Variants in ARHGEF37 observed in about 807,000 individuals in gnomAD.
The protein encoded by ARHGEF37 is Rho guanine nucleotide exchange factor 37, also known as Rho guanine nucleotide exchange factor (GEF) 37.
Under a neutral mutation model 71.1 loss-of-function variants are expected in ARHGEF37, and 55 were observed. That is an observed-to-expected ratio of 0.77 (90% confidence interval 0.62 to 0.97). The LOEUF (loss-of-function observed/expected upper bound fraction) is 0.97. Among genes scored for constraint, ARHGEF37 ranks in the 50% least tolerant of loss-of-function variants. The pLI is 0.00. For missense variants in ARHGEF37, 765 were observed against 836.8 expected, an observed-to-expected ratio of 0.91 and a Z score of 1.06; for synonymous variants, 327 against 350.6, an observed-to-expected ratio of 0.93 and a Z score of 0.75.
chr5:149,629,609 G>A (rs760341038), intron 12 of ARHGEF37, among the ~76,000 whole-genome samples: 7 of 152,200 alleles, frequency 4.6e-5, no homozygotes, highest in East Asian at 1.9e-4. Flanking sequence ...CAGTGTGGCC[G>A]GAGAAGAAAG....
At chr5:149,617,774 G>A (rs1444062304) in intron 5 of ARHGEF37, among the ~76,000 whole-genome samples, 2 of 152,164 alleles carry the variant, frequency 1.3e-5, no homozygotes, top group Non-Finnish European at 2.9e-5. Flanking sequence ...ACTGAGTCAG[G>A]ACCGGGAAGC....
rs1168043795 is a variant in ARHGEF37 at position 149,562,802 on chromosome 5, G to A, written c.-12+10679G>A. On this transcript the variant is annotated intron_variant, in intron 1 of 2. Coordinates refer to the ARHGEF37 transcript ENST00000505810. ...ACATTCCACACCACTGTTCTATGAT[G>A]TATGTCTGTTTACTTTTACAGGGAA... is the stretch of plus-strand genomic sequence containing the variant. 2.0e-5 allele frequency among the ~76,000 whole-genome samples: 3 copies of A among 152,196 alleles called. No individual in the cohort carries two copies. In the East Asian group the frequency reaches 5.8e-4, roughly 29 times the overall value.
At chr5:149,599,333 C>T (rs1229668672) in intron 2 of ARHGEF37, among the ~76,000 whole-genome samples, 1 of 152,030 alleles carries the variant, frequency 6.6e-6, no homozygotes, top group Non-Finnish European at 1.5e-5. Context: ...TGGGCTCTGT[C>T]CCCTCCTCAG....
intron 2 of ARHGEF37, among the ~76,000 whole-genome samples, chr5:149,600,673 C>G (rs1763726601): frequency 6.6e-6 from 1 of 150,880 alleles, no homozygotes; most frequent in African/African-American, 2.4e-5. Context: ...TGGAGTCTCG[C>G]TCTGTCGCCC....
At chr5:149,618,082 G>C in intron 5 of ARHGEF37, 94 bp from the exon 6 acceptor site, 1 of 1,532,968 alleles carries the variant, frequency 6.5e-7, no homozygotes, top group Non-Finnish European at 8.9e-7. Flanking sequence ...ATGGAGCAGA[G>C]GGCCCAAGCA....
At chr5:149,593,599 T>C (rs1470293962) in intron 1 of ARHGEF37, among the ~76,000 whole-genome samples, 5 of 152,206 alleles carry the variant, frequency 3.3e-5, no homozygotes, top group Non-Finnish European at 7.3e-5. Context: ...CTACTGATGG[T>C]CCACTGTTCA....
In ARHGEF37 at chr5:149,557,928, C is replaced by T. The variant is rs570312866; in HGVS notation, c.-12+5805C>T. On this transcript the variant is annotated intron_variant, in intron 1 of 2. Coordinates refer to the ARHGEF37 transcript ENST00000505810. ...TCGCCCAGGCTGGAGTGCAATGGCACGATCTTGGCCCACTGCAACCTCTGT... is the reference window on the plus strand; with the variant it reads ...TCGCCCAGGCTGGAGTGCAATGGCATGATCTTGGCCCACTGCAACCTCTGT... Among the ~76,000 whole-genome samples, 1,163 of 149,804 alleles carry T rather than the reference C, an allele frequency of 7.8e-3. 9 individuals carry two copies. The highest frequency in any genetic ancestry group is 9.2e-3 in the Non-Finnish European group (624 of 67,748).
At position 149,575,204 on chromosome 5, in the gene ARHGEF37, AT is replaced by A. The variant is rs1190239249; in HGVS notation, c.-11-22553del. Among the ~76,000 whole-genome samples the A allele has an allele frequency of 2.0e-5, 3 of 152,298 alleles. No individual in the cohort carries two copies. The East Asian group carries it at 5.8e-4, about 29-fold the overall frequency. On this transcript the variant is annotated intron_variant, in intron 1 of 2. Coordinates refer to the ARHGEF37 transcript ENST00000505810. ...TTCTGAAAACACAAGCTAGTTTCAT[AT>A]TGTTATGCCTTGTCTGTACTTTCTG...
At chr5:149,582,443 C>G (rs1401712329) in intron 1 of ARHGEF37, among the ~76,000 whole-genome samples, 5 of 152,160 alleles carry the variant, frequency 3.3e-5, no homozygotes, top group Admixed American at 6.5e-5. Context: ...ATCCAGGAAG[C>G]ATAGTTTAAC....
At chr5:149,598,785 GATATAGATATATAGAT>G (rs1175930633) in intron 2 of ARHGEF37, among the ~76,000 whole-genome samples, 3 of 143,158 alleles carry the variant, frequency 2.1e-5, no homozygotes, top group Admixed American at 7.0e-5. Flanking sequence ...TAGATATATA[GATATAGATATATAGAT>G]ATATATATGT....
At chr5:149,585,196 G>A in intron 1 of ARHGEF37, among the ~76,000 whole-genome samples, 1 of 152,126 alleles carries the variant, frequency 6.6e-6, no homozygotes, top group South Asian at 2.1e-4. Context: ...ATATACCATT[G>A]GTTGCAATGT....
At chr5:149,583,675 A>G (rs745345165) in intron 1 of ARHGEF37, among the ~76,000 whole-genome samples, 1 of 152,196 alleles carries the variant, frequency 6.6e-6, no homozygotes, top group Admixed American at 6.5e-5. Flanking sequence ...ATGTGTTTTC[A>G]TGTGCTGTAA....
intron 1 of ARHGEF37, among the ~76,000 whole-genome samples, chr5:149,557,872 T>TC (rs1211309144): frequency 2.0e-5 from 3 of 151,206 alleles, no homozygotes; most frequent in African/African-American, 7.3e-5. Flanking sequence ...ATAATTTTTT[T>TC]TTTTTTTTTT....
chr5:149,562,530 G>A (rs1047868028), intron 1 of ARHGEF37, among the ~76,000 whole-genome samples: 1 of 151,996 alleles, frequency 6.6e-6, no homozygotes, highest in East Asian at 1.9e-4. Context: ...CTCACTGCAA[G>A]CTCCCGGGTT....
At chr5:149,562,696 TCGGCCTC>T (rs1029279473) in intron 1 of ARHGEF37, among the ~76,000 whole-genome samples, 2 of 152,138 alleles carry the variant, frequency 1.3e-5, no homozygotes, top group African/African-American at 4.8e-5. Context: ...TCCGCCCGCC[TCGGCCTC>T]CCAAAGCGCT....
At chr5:149,596,136 G>A (rs1313714970) in intron 1 of ARHGEF37, among the ~76,000 whole-genome samples, 1 of 152,074 alleles carries the variant, frequency 6.6e-6, no homozygotes, top group Non-Finnish European at 1.5e-5. Context: ...CAGCTCAGCT[G>A]CTCCCCACCG....
At chr5:149,604,200 C>T (rs113582621) in intron 3 of ARHGEF37, among the ~76,000 whole-genome samples, 7 of 152,288 alleles carry the variant, frequency 4.6e-5, no homozygotes, top group African/African-American at 1.4e-4. Flanking sequence ...AATGTTACTT[C>T]GTCTCCTGAT....
chr5:149,560,128 G>A (rs1477446391), intron 1 of ARHGEF37, among the ~76,000 whole-genome samples: 1 of 152,040 alleles, frequency 6.6e-6, no homozygotes, highest in East Asian at 1.9e-4. Flanking sequence ...TTTGTTTGTT[G>A]TTTTGAGACA....
intron 1 of ARHGEF37, among the ~76,000 whole-genome samples, chr5:149,563,923 C>T (rs767488288): frequency 1.3e-4 from 20 of 150,602 alleles, no homozygotes; most frequent in Admixed American, 2.0e-4. Flanking sequence ...GATTTTCCCA[C>T]GCATAGGTAA....
Sources: allele counts gnomAD v4.1 joint callset (sites outside exome capture counted in the v4.1 genomes callset), GRCh38; gene constraint gnomAD v4.1.1; transcripts MANE v1.5; gene names NCBI Gene and HGNC (gene_info 2026-07-23, HGNC 2026-07-21).